ACSBG2: variants seen among roughly 807,000 people sequenced by gnomAD.
ACSBG2 encodes long-chain-fatty-acid--CoA ligase ACSBG2.
A neutral mutation model predicts 74.7 loss-of-function variants in ACSBG2; 62 were observed. That is an observed-to-expected ratio of 0.83 (90% CI 0.68 to 1.03). The LOEUF is 1.03. ACSBG2 is among the 50% of genes least tolerant of loss of function. The pLI, the probability that ACSBG2 is intolerant of heterozygous loss-of-function variation, is 0.00. For missense variants in ACSBG2, 730 were observed against 817.6 expected (o/e 0.89, Z 1.31); for synonymous variants, 309 against 294.1 (o/e 1.05, Z -0.52).
intron 1 of ACSBG2, 94 bp from the exon 2 acceptor site, chr19:6,141,419 T>A: frequency 2.9e-6 from 2 of 684,994 alleles, no homozygotes; most frequent in Non-Finnish European, 5.3e-6. Flanking sequence ...ATCCTAGGAT[T>A]CTAGGCAGAC....
At chr19:6,176,516 T>A in intron 7 of ACSBG2, 5 of 604,008 alleles carry the variant, frequency 8.3e-6, no homozygotes, top group Non-Finnish European at 7.5e-6. Context: ...ACACACGCAC[T>A]CAGCCAGACT....
rs114859977 is a variant in ACSBG2 at position 6,137,455 on chromosome 19, G to A, written c.-32+1546G>A. The A allele has an allele frequency of 5.2e-3, 793 of 152,856 alleles. 9 individuals are homozygous for A. The highest frequency in any genetic ancestry group is 0.018 in the African/African-American group (755 of 41,500). The allele number at this position is 152,856 out of a possible 1,614,324, so 9.5% of individuals were successfully genotyped here. A position where few individuals can be genotyped will look rare whatever the true frequency, so the allele number is the denominator to read the frequency against. On this transcript the variant is annotated intron_variant, in intron 1 of 14. Transcript: ENST00000588485. ...CAGTGAGGAGGCCCACGTGGCTGCA[G>A]CAGAGTGAGGAGGGGGAGGGAGGAA... is the stretch of plus-strand genomic sequence containing the variant.
At chr19:6,154,686 AT>A (rs1322257155) in intron 4 of ACSBG2, among the ~76,000 whole-genome samples, 1 of 151,518 alleles carries the variant, frequency 6.6e-6, no homozygotes, top group East Asian at 2.0e-4. Context: ...TAAATTTTGT[AT>A]TTTTGGTAAA....
Position 6,187,544 on chromosome 19 carries a change from TG to T in ACSBG2, c.1681-51del, listed in dbSNP as rs543120596. 6,168 of 1,608,860 alleles carry T rather than the reference TG, an allele frequency of 3.8e-3. 17 individuals carry two copies. Among genetic ancestry groups the T allele is most frequent in the Non-Finnish European group, 4.6e-3 (5,413 of 1,176,708 alleles). On this transcript the variant is annotated intron_variant, in intron 12 of 14. Coordinates refer to ENST00000588485, the MANE Select transcript of ACSBG2 (RefSeq NM_030924.5). ...AGACCCACTTCTTGGTCTGTGGGCC[TG>T]GGGAGGGGTGCTGGTCAAGGAGCAT...
At chr19:6,166,567 C>A (rs8111078) in intron 7 of ACSBG2, among the ~76,000 whole-genome samples, 11,585 of 151,992 alleles carry the variant, frequency 0.076, 835 homozygotes, top group African/African-American at 0.19. Flanking sequence ...ACCGCCTTGG[C>A]CTCCCAAAGT....
At chr19:6,142,998 T>C (rs113682698) in intron 2 of ACSBG2, among the ~76,000 whole-genome samples, 3,528 of 152,016 alleles carry the variant, frequency 0.023, 52 homozygotes, top group South Asian at 0.054. Flanking sequence ...GGCGGGCAGA[T>C]TGCTTGAGGC....
intron 7 of ACSBG2, among the ~76,000 whole-genome samples, chr19:6,170,018 G>T (rs2145170576): frequency 6.6e-6 from 1 of 152,214 alleles, no homozygotes; most frequent in South Asian, 2.1e-4. Flanking sequence ...TATCATTGGT[G>T]AACAGAGATA....
At chr19:6,162,254 G>T (rs2089646638) in intron 6 of ACSBG2, among the ~76,000 whole-genome samples, 1 of 102,458 alleles carries the variant, frequency 9.8e-6, no homozygotes, top group African/African-American at 3.6e-5. Context: ...AACAGAGTGA[G>T]ACTCTGTCTC....
intron 7 of ACSBG2, among the ~76,000 whole-genome samples, chr19:6,172,642 C>A (rs903157366): frequency 6.6e-6 from 1 of 152,210 alleles, no homozygotes; most frequent in African/African-American, 2.4e-5. Flanking sequence ...TAACAGCCAA[C>A]ACTATCTCCT....
intron 2 of ACSBG2, among the ~76,000 whole-genome samples, chr19:6,144,162 T>G (rs1238758992): frequency 6.6e-6 from 1 of 152,130 alleles, no homozygotes; most frequent in Non-Finnish European, 1.5e-5. Flanking sequence ...CACGCCTGGC[T>G]AATTTTTGTA....
chr19:6,188,559 T>G (rs2090469254), intron 13 of ACSBG2, among the ~76,000 whole-genome samples: 1 of 151,626 alleles, frequency 6.6e-6, no homozygotes, highest in Non-Finnish European at 1.5e-5. Context: ...CCCAGGGAGG[T>G]CAAGGCTGCA....
At chr19:6,154,511 T>C (rs1017971451) in intron 4 of ACSBG2, among the ~76,000 whole-genome samples, 2 of 147,488 alleles carry the variant, frequency 1.4e-5, no homozygotes, top group Non-Finnish European at 3.0e-5. Flanking sequence ...TATAATATAT[T>C]ATATTATCTA....
intron 4 of ACSBG2, among the ~76,000 whole-genome samples, chr19:6,154,224 C>A (rs1335909057): frequency 5.3e-5 from 8 of 151,248 alleles, no homozygotes; most frequent in African/African-American, 1.5e-4. Context: ...GAAACTCTAT[C>A]TCTACTAAAA....
rs185252783 is a variant in ACSBG2, at chr19:6,139,118, T to C, written c.-31-2395T>C. On this transcript the variant is annotated intron_variant, in intron 1 of 14. Coordinates refer to ENST00000588485, the MANE Select transcript of ACSBG2 (RefSeq NM_030924.5). Reference sequence around the variant, plus strand: ...TTTTTTTTTTTTTGAGATACAGTTTTGCTCTGTCACCCAGGCTGGAGTCCA... The same window carrying C: ...TTTTTTTTTTTTTGAGATACAGTTTCGCTCTGTCACCCAGGCTGGAGTCCA... Among the ~76,000 whole-genome samples, 371 of 152,092 alleles carry C rather than the reference T, an allele frequency of 2.4e-3. 7 individuals are homozygous for C. The highest frequency in any genetic ancestry group is 0.022 in the Admixed American group (334 of 15,244).
intron 5 of ACSBG2, among the ~76,000 whole-genome samples, chr19:6,158,590 G>A (rs982817311): frequency 3.3e-5 from 5 of 152,116 alleles, no homozygotes; most frequent in Non-Finnish European, 7.4e-5. Context: ...GGTGAGCCTA[G>A]ATGGCTAGGT....
intron 2 of ACSBG2, among the ~76,000 whole-genome samples, chr19:6,145,795 G>T (rs1175467264): frequency 6.6e-6 from 1 of 152,174 alleles, no homozygotes; most frequent in Non-Finnish European, 1.5e-5. Context: ...TGATGTCGCT[G>T]TGACAGGCAA....
At chr19:6,170,729 A>G (rs79260561) in intron 7 of ACSBG2, among the ~76,000 whole-genome samples, 2,084 of 152,276 alleles carry the variant, frequency 0.014, 38 homozygotes, top group African/African-American at 0.047. Flanking sequence ...GCCACTGGGT[A>G]GAGTATTCTG....
chr19:6,163,507 G>A (rs1196668287), intron 6 of ACSBG2, among the ~76,000 whole-genome samples: 8 of 149,122 alleles, frequency 5.4e-5, no homozygotes, highest in African/African-American at 1.5e-4. Flanking sequence ...TTGGGAAGCC[G>A]AGGTGGGTGG....
intron 5 of ACSBG2, chr19:6,160,776 G>C (rs1027385144): frequency 6.3e-6 from 1 of 158,268 alleles, no homozygotes; most frequent in African/African-American, 2.4e-5. Context: ...AAGACCAATA[G>C]CAGCATTTTA....
Sources: gnomAD v4.1 joint callset for allele counts (sites outside exome capture counted in the v4.1 genomes callset) on GRCh38, gnomAD v4.1.1 for gene constraint, MANE v1.5 for transcripts, NCBI Gene and HGNC (gene_info 2026-07-23, HGNC 2026-07-21) for gene names.